Variants in FAM149B1 observed in about 807,000 individuals in gnomAD.
FAM149B1 encodes family with sequence similarity 149 member B1.
In FAM149B1, 56 loss-of-function variants were observed where a neutral mutation model predicts 75.3. The ratio of observed to expected loss-of-function variants is 0.74; its 90% confidence interval spans 0.60 to 0.93. FAM149B1 has a LOEUF of 0.93. Among genes scored for constraint, FAM149B1 ranks in the 40% least tolerant of loss-of-function variants. FAM149B1 has a pLI of 0.00. For missense variants in FAM149B1, 639 were observed against 708.4 expected (o/e 0.90, Z 1.11); for synonymous variants, 259 against 256.1 (o/e 1.01, Z -0.11).
intron 7 of FAM149B1, among the ~76,000 whole-genome samples, chr10:73,213,391 A>C (rs1460343951): frequency 2.0e-5 from 3 of 152,168 alleles, no homozygotes; most frequent in Non-Finnish European, 4.4e-5. Context: ...TTGGTCTTAA[A>C]TTCTTTGCCT....
intron 5 of FAM149B1, among the ~76,000 whole-genome samples, chr10:73,203,643 A>ATTT (rs200573557): frequency 0.13 from 19,192 of 145,870 alleles, 1,871 homozygotes; most frequent in East Asian, 0.26. Context: ...TGTGATCATA[A>ATTT]TTTTTTTTTT....
chr10:73,221,800 C>T (rs1005124518), intron 7 of FAM149B1, among the ~76,000 whole-genome samples: 1 of 152,186 alleles, frequency 6.6e-6, no homozygotes, highest in Admixed American at 6.5e-5. Context: ...CCTCAGGTAA[C>T]TCATGCTTTA....
At chr10:73,240,599 C>T (rs142702076) in intron 13 of FAM149B1, among the ~76,000 whole-genome samples, 6,183 of 151,914 alleles carry the variant, frequency 0.041, 335 homozygotes, top group African/African-American at 0.13. Flanking sequence ...GTAGTCCCAG[C>T]TACTCGGGGG....
Position 73,174,709 on chromosome 10 carries a change from C to G in FAM149B1, c.70C>G (p.Leu24Val), listed in dbSNP as rs1843869541. 1 of 1,551,002 alleles carries G rather than the reference C, an allele frequency of 6.4e-7. No homozygotes were observed. Among genetic ancestry groups the G allele is most frequent in the Non-Finnish European group, 8.7e-7 (1 of 1,146,636 alleles). Reference protein sequence around the residue: ...LELKGITKHALNHHPPPEKLE... With the variant: ...LELKGITKHAVNHHPPPEKLE... ...CAGGAAAGGAATAACAAAACATGCT[C>G]TTAACCATCATCCCCCTCCAGAGAA... The change falls in exon 2 of 14, where the codon CTT (leucine) becomes GTT (valine). Residue 24 changes from leucine to valine, a missense_variant. Coordinates refer to ENST00000242505, the MANE Select transcript of FAM149B1 (RefSeq NM_173348.2).
At chr10:73,226,869 T>C (rs545192699) in intron 7 of FAM149B1, among the ~76,000 whole-genome samples, 30 of 152,294 alleles carry the variant, frequency 2.0e-4, no homozygotes, top group African/African-American at 7.2e-4. Context: ...CTATCTCTAT[T>C]ATTAGAGCAA....
intron 7 of FAM149B1, among the ~76,000 whole-genome samples, chr10:73,221,553 C>T (rs60496483): frequency 0.11 from 15,925 of 151,318 alleles, 1,202 homozygotes; most frequent in East Asian, 0.31. Context: ...ATTTTTTTTT[C>T]CTGGCTGCTA....
At chr10:73,183,995 T>C (rs1356374622) in intron 3 of FAM149B1, among the ~76,000 whole-genome samples, 1 of 152,196 alleles carries the variant, frequency 6.6e-6, no homozygotes, top group Non-Finnish European at 1.5e-5. Context: ...ATTGGCAAAC[T>C]ATCCAGGAAT....
chr10:73,191,902 C>CT (rs949630521), intron 3 of FAM149B1, among the ~76,000 whole-genome samples: 82 of 146,624 alleles, frequency 5.6e-4, no homozygotes, highest in African/African-American at 1.1e-3. Flanking sequence ...AAAATATAGA[C>CT]TTTTTTTTTT....
intron 9 of FAM149B1, chr10:73,230,734 A>G (rs1223296586): frequency 4.2e-6 from 2 of 472,560 alleles, no homozygotes; most frequent in Non-Finnish European, 7.8e-6. Flanking sequence ...AAAAAGACCT[A>G]ACCATATGTG....
chr10:73,228,017 CAGA>C (rs751067956), intron 7 of FAM149B1, 40 bp from the exon 8 acceptor site: 5 of 1,540,276 alleles, frequency 3.2e-6, no homozygotes, highest in Admixed American at 2.0e-5. Context: ...TGCTGTGGGC[CAGA>C]AGATTATCCA....
chr10:73,230,847 A>G, intron 9 of FAM149B1: 1 of 186,784 alleles, frequency 5.4e-6, no homozygotes, highest in South Asian at 1.3e-4. Flanking sequence ...CTTGTCCTTG[A>G]AAGATGGGGC....
At chr10:73,235,529 A>C in intron 12 of FAM149B1, 2 of 1,170,008 alleles carry the variant, frequency 1.7e-6, no homozygotes, top group Non-Finnish European at 2.3e-6. Context: ...AGAAATCACA[A>C]ATATTCTAAG....
chr10:73,226,567 CTTTA>C (rs750743334), intron 7 of FAM149B1, among the ~76,000 whole-genome samples: 59 of 152,282 alleles, frequency 3.9e-4, no homozygotes, highest in African/African-American at 1.0e-3. Flanking sequence ...CTGACACTAA[CTTTA>C]TTTAGATTCT....
At chr10:73,219,375 GC>G (rs1485045369) in intron 7 of FAM149B1, among the ~76,000 whole-genome samples, 1 of 152,122 alleles carries the variant, frequency 6.6e-6, no homozygotes, top group Non-Finnish European at 1.5e-5. Flanking sequence ...CAAAATTCCA[GC>G]TGCCTTTTTT....
At chr10:73,182,911 T>C (rs539062774) in intron 3 of FAM149B1, among the ~76,000 whole-genome samples, 2 of 152,318 alleles carry the variant, frequency 1.3e-5, no homozygotes, top group Admixed American at 6.5e-5. Context: ...ACTGAAGCAC[T>C]CCTCTCTTGC....
intron 7 of FAM149B1, among the ~76,000 whole-genome samples, chr10:73,225,622 T>C (rs1258128335): frequency 6.6e-6 from 1 of 152,140 alleles, no homozygotes; most frequent in Admixed American, 6.5e-5. Flanking sequence ...TTTGAAGAAA[T>C]TTTTAAAAAT....
intron 3 of FAM149B1, among the ~76,000 whole-genome samples, chr10:73,187,547 T>C (rs1034511345): frequency 2.0e-5 from 3 of 150,984 alleles, no homozygotes; most frequent in African/African-American, 7.3e-5. Context: ...CTGACCAACA[T>C]GGAGAAACCC....
chr10:73,184,824 ATT>A (rs1197754439), intron 3 of FAM149B1, among the ~76,000 whole-genome samples: 1 of 152,226 alleles, frequency 6.6e-6, no homozygotes, highest in Non-Finnish European at 1.5e-5. Flanking sequence ...TGTCTCAATA[ATT>A]TGTTTCCACC....
chr10:73,222,254 AT>A (rs2043434190), intron 7 of FAM149B1, among the ~76,000 whole-genome samples: 1 of 152,020 alleles, frequency 6.6e-6, no homozygotes, highest in South Asian at 2.1e-4. Flanking sequence ...TTCTTTTATG[AT>A]TTGTTAGGTC....
Sources: allele counts gnomAD v4.1 joint callset (sites outside exome capture counted in the v4.1 genomes callset), GRCh38; gene constraint gnomAD v4.1.1; transcripts MANE v1.5; gene names NCBI Gene and HGNC (gene_info 2026-07-23, HGNC 2026-07-21).